Variants in RBFOX1 observed in about 807,000 individuals in gnomAD.
RBFOX1 encodes RNA binding fox-1 homolog 1, also known as RNA binding protein fox-1 homolog 1.
RBFOX1 carries 8 observed loss-of-function variants against 57.7 expected under a neutral mutation model. That is an observed-to-expected ratio of 0.14 (90% confidence interval 0.08 to 0.25). The LOEUF (loss-of-function observed/expected upper bound fraction) is 0.25, where lower values mean the gene tolerates loss of function less well. RBFOX1 is among the 10% of genes least tolerant of loss of function. The probability of loss-of-function intolerance (pLI) is 1.00; values close to 1 mark genes in which losing one functional copy is unlikely to be tolerated. For synonymous variants in RBFOX1, 326 were observed against 222.4 expected (o/e 1.47, Z -4.15); for missense variants, 611 against 548.5 (o/e 1.11, Z -1.14).
chr16:5,642,313 C>T (rs149644889), intron 3 of RBFOX1, among the ~76,000 whole-genome samples: 48 of 152,124 alleles, frequency 3.2e-4, no homozygotes, highest in African/African-American at 1.0e-3. Context: ...AGCAGCTGTG[C>T]GAATTACCCG....
intron 3 of RBFOX1, among the ~76,000 whole-genome samples, chr16:5,822,525 T>C (rs1315410024): frequency 6.6e-6 from 1 of 152,258 alleles, no homozygotes; most frequent in Admixed American, 6.5e-5. Flanking sequence ...TCTGGAGATC[T>C]ACTCTATAGC....
At chr16:6,206,555 G>T (rs1454610210) in intron 1 of RBFOX1, among the ~76,000 whole-genome samples, 1 of 152,102 alleles carries the variant, frequency 6.6e-6, no homozygotes, top group Non-Finnish European at 1.5e-5. Context: ...AGGAGCTGGC[G>T]ATATTAAATG....
intron 3 of RBFOX1, among the ~76,000 whole-genome samples, chr16:6,769,084 A>G (rs1294093486): frequency 6.6e-6 from 1 of 152,110 alleles, no homozygotes; most frequent in African/African-American, 2.4e-5. Context: ...CCCCACCCAA[A>G]TCTCATCTTG....
chr16:5,523,838 GC>G (rs1315917358), intron 2 of RBFOX1, among the ~76,000 whole-genome samples: 1 of 152,152 alleles, frequency 6.6e-6, no homozygotes. Flanking sequence ...AGCCGCAGCG[GC>G]CCCTGGAGGA....
At chr16:6,574,820 C>T (rs1283225407) in intron 2 of RBFOX1, among the ~76,000 whole-genome samples, 1 of 149,670 alleles carries the variant, frequency 6.7e-6, no homozygotes, top group Admixed American at 6.6e-5. Flanking sequence ...GGGCGGATCA[C>T]GAGGTCAGGC....
At chr16:7,295,606 G>A (rs1247924830) in intron 4 of RBFOX1, among the ~76,000 whole-genome samples, 1 of 152,050 alleles carries the variant, frequency 6.6e-6, no homozygotes, top group East Asian at 1.9e-4. Flanking sequence ...GCAAAGGTAT[G>A]ATCCAGAGAT....
At chr16:6,104,222 C>G (rs1335136212) in intron 1 of RBFOX1, among the ~76,000 whole-genome samples, 1 of 151,998 alleles carries the variant, frequency 6.6e-6, no homozygotes, top group Non-Finnish European at 1.5e-5. Context: ...TGATGTTTTG[C>G]TATCTGTATG....
rs539850660 is a variant in RBFOX1, at chr16:7,172,018, A to T, written c.27+119920A>T. Reference sequence around the variant, plus strand: ...GAATCCTACATTCACAGAGAGGCTGATTTTTGCTTCCAGTTTTGTCACAAT... The same window carrying T: ...GAATCCTACATTCACAGAGAGGCTGTTTTTTGCTTCCAGTTTTGTCACAAT... On this transcript the variant is annotated intron_variant, in intron 4 of 15. Coordinates refer to ENST00000550418, the MANE Select transcript of RBFOX1 (RefSeq NM_018723.4). Among the ~76,000 whole-genome samples, 7 of 152,228 alleles carry T rather than the reference A, an allele frequency of 4.6e-5. No homozygotes were observed. The South Asian group carries it at 1.5e-3, about 32-fold the overall frequency.
At chr16:7,156,413 G>T (rs1391353441) in intron 4 of RBFOX1, among the ~76,000 whole-genome samples, 1 of 151,782 alleles carries the variant, frequency 6.6e-6, no homozygotes, top group Middle Eastern at 3.2e-3. Flanking sequence ...ATATATGTGT[G>T]CGTATAGTTG....
At chr16:6,865,052 G>T (rs1376174695) in intron 3 of RBFOX1, among the ~76,000 whole-genome samples, 2 of 131,708 alleles carry the variant, frequency 1.5e-5, no homozygotes, top group African/African-American at 3.1e-5. Context: ...ACCCAGGCTG[G>T]AGTGCAGTGG....
At chr16:7,607,673 G>C (rs1213355976) in intron 10 of RBFOX1, among the ~76,000 whole-genome samples, 1 of 152,132 alleles carries the variant, frequency 6.6e-6, no homozygotes. Flanking sequence ...CAATGTGCCT[G>C]AATGTGTGTT....
intron 4 of RBFOX1, among the ~76,000 whole-genome samples, chr16:7,150,732 T>C (rs555593949): frequency 5.9e-5 from 9 of 152,236 alleles, no homozygotes; most frequent in Non-Finnish European, 8.8e-5. Context: ...AACTTTTTGC[T>C]TCTTACTTGC....
At chr16:6,615,623 A>G (rs17720622) in intron 2 of RBFOX1, among the ~76,000 whole-genome samples, 5,558 of 152,012 alleles carry the variant, frequency 0.037, 149 homozygotes, top group Non-Finnish European at 0.053. Flanking sequence ...AAAATTCCTC[A>G]TTTCCTCAAA....
intron 3 of RBFOX1, among the ~76,000 whole-genome samples, chr16:5,692,080 G>T (rs1022401267): frequency 6.6e-6 from 1 of 151,878 alleles, no homozygotes; most frequent in Non-Finnish European, 1.5e-5. Flanking sequence ...CATGGTTATT[G>T]ATTTGAAGGT....
intron 1 of RBFOX1, among the ~76,000 whole-genome samples, chr16:6,067,893 T>C (rs368368617): frequency 7.2e-5 from 11 of 152,342 alleles, no homozygotes; most frequent in African/African-American, 2.6e-4. Flanking sequence ...TTTGTTATTG[T>C]AGCAATTGGG....
At chr16:7,285,719 C>A (rs1603495574) in intron 4 of RBFOX1, among the ~76,000 whole-genome samples, 1 of 152,096 alleles carries the variant, frequency 6.6e-6, no homozygotes, top group African/African-American at 2.4e-5. Context: ...TAACTTATTC[C>A]TTTTCATTGC....
At chr16:5,465,034 C>T (rs1298021675) in intron 1 of RBFOX1, among the ~76,000 whole-genome samples, 1 of 152,138 alleles carries the variant, frequency 6.6e-6, no homozygotes, top group Non-Finnish European at 1.5e-5. Context: ...TCCTTTGCAC[C>T]TTTCAGAGGG....
At chr16:6,405,259 G>C (rs1213667539) in intron 2 of RBFOX1, among the ~76,000 whole-genome samples, 1 of 152,252 alleles carries the variant, frequency 6.6e-6, no homozygotes, top group Middle Eastern at 3.4e-3. Context: ...TTTTGAGATG[G>C]GCTGCAAATC....
At chr16:5,698,593 T>C (rs1159763898) in intron 3 of RBFOX1, among the ~76,000 whole-genome samples, 1 of 152,164 alleles carries the variant, frequency 6.6e-6, no homozygotes, top group Non-Finnish European at 1.5e-5. Flanking sequence ...CTTCCACTCC[T>C]GAGTATACAT....
Sources: allele counts gnomAD v4.1 joint callset (sites outside exome capture counted in the v4.1 genomes callset), GRCh38; gene constraint gnomAD v4.1.1; transcripts MANE v1.5; gene names NCBI Gene and HGNC (gene_info 2026-07-23, HGNC 2026-07-21).